The following MUC5AC variants were observed in gnomAD, a reference collection of about 807,000 sequenced individuals.
MUC5AC encodes the protein mucin 5AC, oligomeric mucus/gel-forming, also known as mucin-5AC.
Under a neutral mutation model 169.7 loss-of-function variants are expected in MUC5AC, and 158 were observed. That is an observed-to-expected ratio of 0.93 (90% CI 0.82 to 1.06). The LOEUF (loss-of-function observed/expected upper bound fraction) is 1.06. MUC5AC is among the 50% of genes least tolerant of loss of function. The pLI, the probability that MUC5AC is intolerant of heterozygous loss-of-function variation, is 0.00. For missense variants in MUC5AC, 4,359 were observed against 3,089.9 expected, an observed-to-expected ratio of 1.41 and a Z score of -9.74; for synonymous variants, 1,975 against 1,237.0, an observed-to-expected ratio of 1.60 and a Z score of -12.52.
chr11:1,186,331 C>T lies in MUC5AC; in HGVS notation c.8186C>T (p.Thr2729Ile), dbSNP rs1293097605. 2 of 720,510 alleles carry T rather than the reference C, an allele frequency of 2.8e-6. No individual in the cohort carries two copies. The highest frequency in any genetic ancestry group is 2.6e-5 in the East Asian group (1 of 38,502). The allele number at this position is 720,510 out of a possible 1,614,324, so 44.6% of individuals were successfully genotyped here. The change falls in exon 31 of 49, where the codon ACA (threonine) becomes ATA (isoleucine). Residue 2729 changes from threonine to isoleucine, a missense_variant. Physicochemically the swap from Thr to Ile is moderately conservative, Grantham distance 89. Coordinates refer to ENST00000621226, the MANE Select transcript of MUC5AC (RefSeq NM_001304359.2). Reference protein sequence around the residue: ...APTTSTISAPTTSTTSATTTS... With the variant: ...APTTSTISAPITSTTSATTTS... ...ACAACCAGCACAATCTCGGCCCCAA[C>T]AACCAGCACAACCTCTGCCACTACA...
intron 1 of MUC5AC, among the ~76,000 whole-genome samples, chr11:1,158,753 G>C (rs1354970733): frequency 6.6e-6 from 1 of 152,184 alleles, no homozygotes; most frequent in Admixed American, 6.5e-5. Flanking sequence ...GTTTGGAGGG[G>C]GGTGGGTGCT....
At chr11:1,172,328 C>T in intron 15 of MUC5AC, 101 bp from the exon 16 acceptor site, 1 of 398,298 alleles carries the variant, frequency 2.5e-6, no homozygotes, top group Non-Finnish European at 4.4e-6. Flanking sequence ...TCAGACTGCC[C>T]AGAGAAGCTG....
At chr11:1,169,150 G>C in intron 15 of MUC5AC, 124 bp downstream of exon 15, 1 of 1,413,556 alleles carries the variant, frequency 7.1e-7, no homozygotes, top group Non-Finnish European at 9.2e-7. Context: ...GGTGGCTCAC[G>C]AAGGGGCCCA....
chr11:1,171,740 TTCACCCACTCACCCACTCAACACTCAC>T (rs1332049827), intron 15 of MUC5AC, among the ~76,000 whole-genome samples: 9 of 85,610 alleles, frequency 1.1e-4, no homozygotes, highest in African/African-American at 4.1e-4. Flanking sequence ...AACTCACCCA[TTCACCCACTCACCCACTCAACACTCAC>T]TCACCCACTC....
At chr11:1,169,938 C>T in intron 15 of MUC5AC, among the ~76,000 whole-genome samples, 1 of 133,306 alleles carries the variant, frequency 7.5e-6, no homozygotes, top group Non-Finnish European at 1.6e-5. Flanking sequence ...ACTCACTCGC[C>T]CACTCACCCA....
rs755491455 is a variant in MUC5AC at position 1,194,611 on chromosome 11, T to C, written c.15131T>C (p.Leu5044Pro). 3.9e-6 allele frequency: 3 copies of C among 764,504 alleles called. No individual in the cohort carries two copies. Among genetic ancestry groups the C allele is most frequent in the South Asian group, 1.3e-5 (1 of 74,574 alleles). The allele number at this position is 764,504 out of a possible 1,614,324, so 47.4% of individuals were successfully genotyped here. Residue 5044 changes from leucine (L) to proline (P), a missense_variant, in exon 35 of 49, where the codon CTC becomes CCC. Transcript: ENST00000621226. ...ELGVQVMFSG[L>P]IFSVEVPFSK... ...GGAGTCCAGGTCATGTTCTCCGGCC[T>C]CATCTTCTCCGTGGAGGTGCCCTTC...
chr11:1,192,376 C>T lies in MUC5AC; in HGVS notation c.14231C>T (p.Thr4744Ile), dbSNP rs761104578. 3.9e-6 allele frequency: 3 copies of T among 765,150 alleles called. No homozygotes were observed. The highest frequency in any genetic ancestry group is 7.2e-6 in the Non-Finnish European group (3 of 417,912). 47.4% of individuals were successfully genotyped at this position (765,150 alleles called of 1,614,324 possible). The change falls in exon 31 of 49, where the codon ACC (threonine) becomes ATC (isoleucine). Residue 4744 changes from threonine to isoleucine, a missense_variant. Transcript: ENST00000621226. Reference sequence around the variant, plus strand: ...GTGACCCCATATGGGACTTCTCCTACCAATGCTCTGTATCCTTCCCTGTCT... The same window carrying T: ...GTGACCCCATATGGGACTTCTCCTATCAATGCTCTGTATCCTTCCCTGTCT... ...TSVTPYGTSP[T>I]NALYPSLSTS...
At position 1,165,719 on chromosome 11, in the gene MUC5AC, C is replaced by A. The variant is rs1368597128; in HGVS notation, c.1345C>A (p.Gln449Lys). The A allele has an allele frequency of 1.2e-6, 2 of 1,612,346 alleles. No homozygotes were observed. The highest frequency in any genetic ancestry group is 1.7e-6 in the Non-Finnish European group (2 of 1,179,774). ...GAHFSTFDGK[Q>K]YTVHGDCSYV... ...CCACTTCTCAACGTTTGACGGGAAG[C>A]AATACACGGTGCACGGCGACTGCAG... The change falls in exon 11 of 49, where the codon CAA (glutamine) becomes AAA (lysine). Residue 449 changes from glutamine (Q) to lysine (K), a missense_variant. Gln to Lys is a moderately conservative substitution (Grantham distance 53). Coordinates refer to ENST00000621226, the MANE Select transcript of MUC5AC (RefSeq NM_001304359.2).
Position 1,174,597 on chromosome 11 carries a change from C to T in MUC5AC, c.2067C>T (p.Leu689=), listed in dbSNP as rs1329391427. The T allele has an allele frequency of 9.3e-6, 13 of 1,404,954 alleles. No homozygotes were observed. Among genetic ancestry groups the T allele is most frequent in the East Asian group, 5.0e-5 (2 of 39,642 alleles). 87.0% of individuals were successfully genotyped at this position (1,404,954 alleles called of 1,614,324 possible). The change falls in exon 17 of 49, where the codon CTC becomes CTT. Residue 689 remains leucine, a synonymous_variant. Transcript: ENST00000621226. The part of the protein sequence containing the change: ...VHACAAKGVQ[L]GGWRDGVCTK... ...CCTGTGCCGCCAAGGGCGTGCAGCT[C>T]GGCGGCTGGAGGGACGGCGTCTGCA...
Position 1,167,865 on chromosome 11 carries a change from C to T in MUC5AC, c.1387-12C>T, listed in dbSNP as rs1050862688. 7.1e-6 allele frequency: 11 copies of T among 1,548,720 alleles called. No individual in the cohort carries two copies. The Admixed American group carries it at 7.8e-5, about 11-fold the overall frequency. On this transcript the variant is annotated splice_polypyrimidine_tract_variant and intron_variant, in intron 11 of 48. Coordinates refer to ENST00000621226, the MANE Select transcript of MUC5AC (RefSeq NM_001304359.2). The stretch of plus-strand genomic sequence containing the variant: ...TGGAGTGTGAGGACCCCTGGTGTGT[C>T]GTGTTCCGCAGCCCTGTGACAGCAG...
rs373923677 is a variant in MUC5AC at position 1,165,417 on chromosome 11, C to G, written c.1245C>G (p.Asn415Lys). ...PGATYSTDCT[N>K]CTCSGGRWSC... ...CCACCTACTCCACAGACTGCACCAACTGGTAGGTCCCAGCCCCCCTCCAGG... is the reference window on the plus strand; with the variant it reads ...CCACCTACTCCACAGACTGCACCAAGTGGTAGGTCCCAGCCCCCCTCCAGG... The change falls in exon 10 of 49, where the codon AAC becomes AAG. Residue 415 changes from asparagine to lysine, a missense_variant and splice_region_variant. Asn to Lys is a moderately conservative substitution (Grantham distance 94, BLOSUM62 0). Transcript: ENST00000621226. 6.3e-7 allele frequency: 1 copy of G among 1,588,692 alleles called. No homozygotes were observed. Among genetic ancestry groups the G allele is most frequent in the Non-Finnish European group, 8.5e-7 (1 of 1,172,590 alleles).
At position 1,197,958 on chromosome 11, in the gene MUC5AC, G is replaced by A. The variant is rs775372482; in HGVS notation, c.16089G>A (p.Ala5363=). 4 of 736,458 alleles carry A rather than the reference G, an allele frequency of 5.4e-6. No individual in the cohort carries two copies. Among genetic ancestry groups the A allele is most frequent in the Admixed American group, 1.8e-5 (1 of 55,416 alleles). The allele number at this position is 736,458 out of a possible 1,614,324, so 45.6% of individuals were successfully genotyped here. A position where few individuals can be genotyped will look rare whatever the true frequency, so the allele number is the denominator to read the frequency against. ...APVGCPEGAR[A]IPTYQEGACC... is the part of the protein sequence containing the mutation. ...TGGGCTGTCCTGAGGGCGCCCGCGC[G>A]ATCCCGACCTACCAGGAGGGGGCCT... is the stretch of plus-strand genomic sequence containing the variant. The change falls in exon 42 of 49, where the codon GCG becomes GCA. Residue 5363 remains alanine (A), a synonymous_variant. Transcript: ENST00000621226.
Position 1,183,769 on chromosome 11 carries a change from A to G in MUC5AC, c.5624A>G (p.Gln1875Arg), listed in dbSNP as rs74196458. The G allele has an allele frequency of 0.44, 195,857 of 448,418 alleles. 45,239 individuals carry two copies. Among genetic ancestry groups the G allele is most frequent in the African/African-American group, 0.63 (30,782 of 48,496 alleles). 27.8% of individuals were successfully genotyped at this position (448,418 alleles called of 1,614,324 possible). ...ACAACCTCCAAGACCACTGAAACCC[A>G]GGCCTCAGGCTCCTCAGCCCCCAGC... Reference protein sequence around the residue: ...PSTTSKTTETQASGSSAPSST... With the variant: ...PSTTSKTTETRASGSSAPSST... Residue 1875 changes from glutamine to arginine, a missense_variant, in exon 31 of 49, where the codon CAG becomes CGG. Physicochemically the swap from Gln to Arg is conservative, Grantham distance 43. Coordinates refer to ENST00000621226, the MANE Select transcript of MUC5AC (RefSeq NM_001304359.2).
rs372296417 is a variant in MUC5AC at position 1,159,108 on chromosome 11, C to G, written c.73+1036C>G. ...ATAAGTGAGGCTCAGGCCGTCATCT[C>G]CGTCTCCCCCACGGGGCTTGCAGAT... On this transcript the variant is annotated intron_variant, in intron 1 of 48. Transcript: ENST00000621226. Among the ~76,000 whole-genome samples the G allele has an allele frequency of 5.9e-5, 9 of 152,032 alleles. No individual in the cohort carries two copies. The East Asian group carries it at 1.4e-3, about 23-fold the overall frequency.
intron 1 of MUC5AC, among the ~76,000 whole-genome samples, chr11:1,159,544 TGTGCGGGGCTGTGC>T (rs1564904395): frequency 4.1e-4 from 2 of 4,874 alleles, no homozygotes; most frequent in East Asian, 7.7e-3. Context: ...TGTGCGGGGC[TGTGCGGGGCTGTGC>T]GGGGCTGTGC....
intron 1 of MUC5AC, among the ~76,000 whole-genome samples, chr11:1,158,464 C>T (rs1860028710): frequency 6.6e-6 from 1 of 152,236 alleles, no homozygotes; most frequent in South Asian, 2.1e-4. Flanking sequence ...CCTTGCACAC[C>T]CCACACATGC....
rs1299018787 is a variant in MUC5AC, at chr11:1,189,905, C to A, written c.11760C>A (p.Ser3920Arg). 2 of 765,008 alleles carry A rather than the reference C, an allele frequency of 2.6e-6. No individual in the cohort carries two copies. Among genetic ancestry groups the A allele is most frequent in the Non-Finnish European group, 4.8e-6 (2 of 417,860 alleles). 47.4% of individuals were successfully genotyped at this position (765,008 alleles called of 1,614,324 possible). A position where few individuals can be genotyped will look rare whatever the true frequency, so the allele number is the denominator to read the frequency against. ...STTSGSGTTP[S>R]PVPTTSTASV... is the part of the protein sequence containing the mutation. ...CCTCCGGTTCTGGAACTACTCCCAG[C>A]CCCGTTCCCACCACCAGCACAGCCT... The change falls in exon 31 of 49, where the codon AGC becomes AGA. Residue 3920 changes from serine (S) to arginine (R), a missense_variant. By Grantham distance (110) the Ser-to-Arg change is moderately radical. Transcript: ENST00000621226.
In MUC5AC at chr11:1,162,135, T is replaced by C. The variant is rs1197215543; in HGVS notation, c.440T>C (p.Leu147Pro). The C allele has an allele frequency of 1.9e-6, 3 of 1,612,484 alleles. No homozygotes were observed. The African/African-American group carries it at 4.0e-5, about 22-fold the overall frequency. ...LMKVDGVVIQ[L>P]TKGSVLVNGH... ...AAGGTGGATGGCGTGGTCATCCAGC[T>C]GACCAAGGGCTCCGTCCTGGTCAAC... Residue 147 changes from leucine to proline, a missense_variant, in exon 4 of 49, where the codon CTG becomes CCG. Physicochemically the swap from Leu to Pro is moderately conservative, Grantham distance 98. Transcript: ENST00000621226.
Position 1,171,444 on chromosome 11 carries a change from CTCACCCAT to C in MUC5AC, c.1871-970_1871-963del, listed in dbSNP as rs1486082475. Among the ~76,000 whole-genome samples the C allele has an allele frequency of 1.0e-3, 145 of 145,280 alleles. 2 individuals carry two copies. Among genetic ancestry groups the C allele is most frequent in the African/African-American group, 3.5e-3 (138 of 38,968 alleles). ...CTCACTCACTCAACTTACTCACCCA[CTCACCCAT>C]TCACCCATTCACCCCCTCACTCACC... is the stretch of plus-strand genomic sequence containing the variant. On this transcript the variant is annotated intron_variant, in intron 15 of 48. Coordinates refer to ENST00000621226, the MANE Select transcript of MUC5AC (RefSeq NM_001304359.2).
Sources: gnomAD v4.1 joint callset for allele counts (sites outside exome capture counted in the v4.1 genomes callset) on GRCh38, gnomAD v4.1.1 for gene constraint, MANE v1.5 for transcripts, NCBI Gene and HGNC (gene_info 2026-07-23, HGNC 2026-07-21) for gene names.